WWOX: variants seen among roughly 807,000 people sequenced by gnomAD.
WWOX encodes WW domain containing oxidoreductase.
WWOX carries 69 observed loss-of-function variants against 46.2 expected under a neutral mutation model. The observed-to-expected ratio is 1.49, with a 90% CI of 1.23 to 1.82. WWOX has a LOEUF of 1.82. Among genes scored for constraint, WWOX ranks in the 40% most tolerant of loss-of-function variants. The probability of loss-of-function intolerance (pLI) is 0.00; values close to 1 mark genes in which losing one functional copy is unlikely to be tolerated. For synonymous variants in WWOX, 359 were observed against 202.6 expected, an observed-to-expected ratio of 1.77 and a Z score of -6.56; for missense variants, 919 against 542.6, an observed-to-expected ratio of 1.69 and a Z score of -6.89.
intron 8 of WWOX, among the ~76,000 whole-genome samples, chr16:78,483,766 T>TTC (rs1327435789): frequency 6.6e-6 from 1 of 152,170 alleles, no homozygotes; most frequent in African/African-American, 2.4e-5. Flanking sequence ...ATATCACACC[T>TTC]TTGGAAATCA....
chr16:78,947,173 A>G (rs1030333218), intron 8 of WWOX, among the ~76,000 whole-genome samples: 3 of 152,170 alleles, frequency 2.0e-5, no homozygotes, highest in African/African-American at 7.2e-5. Context: ...AAAGTACCCA[A>G]AAGAGAAAAC....
chr16:78,997,664 C>G (rs769726159), intron 8 of WWOX, among the ~76,000 whole-genome samples: 1 of 152,080 alleles, frequency 6.6e-6, no homozygotes, highest in African/African-American at 2.4e-5. Flanking sequence ...CTCCCTGTCT[C>G]TCCCCTCTCC....
At chr16:79,138,430 C>T (rs2050024925) in intron 8 of WWOX, among the ~76,000 whole-genome samples, 1 of 152,184 alleles carries the variant, frequency 6.6e-6, no homozygotes, top group South Asian at 2.1e-4. Context: ...TTAAGTATCA[C>T]CTCCTCTATG....
At chr16:78,229,947 A>T (rs1040918869) in intron 5 of WWOX, among the ~76,000 whole-genome samples, 1 of 151,904 alleles carries the variant, frequency 6.6e-6, no homozygotes, top group Non-Finnish European at 1.5e-5. Flanking sequence ...TGGCATGACC[A>T]TGGCTCACTG....
intron 5 of WWOX, among the ~76,000 whole-genome samples, chr16:78,386,120 C>G (rs1472827061): frequency 1.3e-5 from 2 of 152,194 alleles, no homozygotes; most frequent in African/African-American, 2.4e-5. Flanking sequence ...ACTCAATTTC[C>G]TATCTCTGTG....
At chr16:78,840,746 G>A (rs1567596888) in intron 8 of WWOX, among the ~76,000 whole-genome samples, 2 of 151,542 alleles carry the variant, frequency 1.3e-5, no homozygotes, top group African/African-American at 4.9e-5. Flanking sequence ...AGGTGTGTAT[G>A]TACATATATA....
intron 8 of WWOX, among the ~76,000 whole-genome samples, chr16:79,000,568 A>G (rs1204474217): frequency 6.6e-6 from 1 of 152,180 alleles, no homozygotes; most frequent in African/African-American, 2.4e-5. Flanking sequence ...TCCAGGAGCC[A>G]AGGAATTCAG....
chr16:78,509,416 G>C (rs1472727391), intron 8 of WWOX, among the ~76,000 whole-genome samples: 1 of 148,958 alleles, frequency 6.7e-6, no homozygotes, highest in Non-Finnish European at 1.5e-5. Context: ...TCCAGCATTG[G>C]TGACAGAGCG....
intron 8 of WWOX, among the ~76,000 whole-genome samples, chr16:78,716,210 T>TAGAGGC (rs2048557312): frequency 6.6e-6 from 1 of 151,986 alleles, no homozygotes; most frequent in African/African-American, 2.4e-5. Context: ...TAGGGCCGTG[T>TAGAGGC]AGAGGCAGAG....
intron 8 of WWOX, among the ~76,000 whole-genome samples, chr16:78,757,345 CCA>C (rs2049677103): frequency 6.6e-6 from 1 of 152,048 alleles, no homozygotes; most frequent in African/African-American, 2.4e-5. Context: ...CCCCAGCACC[CCA>C]GCACCCCAGC....
At chr16:78,541,023 G>A (rs926821626) in intron 8 of WWOX, among the ~76,000 whole-genome samples, 2 of 152,060 alleles carry the variant, frequency 1.3e-5, no homozygotes, top group Non-Finnish European at 1.5e-5. Flanking sequence ...GCTGAGTTGG[G>A]GAGGTGGCGT....
intron 8 of WWOX, among the ~76,000 whole-genome samples, chr16:78,850,184 A>G (rs1236537090): frequency 2.0e-5 from 3 of 152,110 alleles, no homozygotes; most frequent in Non-Finnish European, 2.9e-5. Flanking sequence ...GTAAAATACC[A>G]AAGAGAAAAC....
intron 8 of WWOX, among the ~76,000 whole-genome samples, chr16:78,878,739 A>G (rs1370480060): frequency 2.6e-5 from 4 of 152,020 alleles, no homozygotes; most frequent in Middle Eastern, 3.2e-3. Context: ...CTATCCTGAC[A>G]ATGTTAGTGA....
chr16:79,014,542 A>T (rs1420579446), intron 8 of WWOX, among the ~76,000 whole-genome samples: 1 of 152,282 alleles, frequency 6.6e-6, no homozygotes, highest in Middle Eastern at 3.4e-3. Context: ...AATTCCAGAG[A>T]TGTTTTCACC....
chr16:79,044,282 C>G (rs1434998277), intron 8 of WWOX, among the ~76,000 whole-genome samples: 5 of 152,240 alleles, frequency 3.3e-5, no homozygotes, highest in East Asian at 3.9e-4. Flanking sequence ...AGCTGGCGGT[C>G]TGATACAGCT....
At chr16:78,520,200 G>A (rs192082662) in intron 8 of WWOX, among the ~76,000 whole-genome samples, 4 of 152,326 alleles carry the variant, frequency 2.6e-5, no homozygotes, top group Admixed American at 2.6e-4. Flanking sequence ...AGGATTGCCA[G>A]GCTGGACTCT....
At chr16:78,786,230 C>T (rs1450108073) in intron 8 of WWOX, among the ~76,000 whole-genome samples, 2 of 152,140 alleles carry the variant, frequency 1.3e-5, no homozygotes, top group South Asian at 2.1e-4. Context: ...TTTTCTACCC[C>T]ACTTTCTTAA....
intron 8 of WWOX, among the ~76,000 whole-genome samples, chr16:79,107,058 A>G (rs1285518791): frequency 6.6e-6 from 1 of 151,944 alleles, no homozygotes; most frequent in Non-Finnish European, 1.5e-5. Flanking sequence ...TGATGCACCC[A>G]CCTTGGTCTC....
chr16:78,784,969 C>T (rs527646021), intron 8 of WWOX, among the ~76,000 whole-genome samples: 9 of 152,030 alleles, frequency 5.9e-5, no homozygotes, highest in African/African-American at 1.4e-4. Flanking sequence ...CAGAAGGTCC[C>T]GTGGGCAGGA....
Sources: allele counts gnomAD v4.1 joint callset (sites outside exome capture counted in the v4.1 genomes callset), GRCh38; gene constraint gnomAD v4.1.1; transcripts MANE v1.5; gene names NCBI Gene and HGNC (gene_info 2026-07-23, HGNC 2026-07-21).